ISG20L2: variants seen among roughly 807,000 people sequenced by gnomAD.
The protein encoded by ISG20L2 is interferon stimulated exonuclease gene 20 like 2.
ISG20L2 carries 14 observed loss-of-function variants against 27.8 expected under a neutral mutation model. The ratio of observed to expected loss-of-function variants is 0.50; its 90% confidence interval spans 0.33 to 0.79. The LOEUF is 0.79. Among genes scored for constraint, ISG20L2 ranks in the 30% least tolerant of loss-of-function variants. The pLI is 0.02. For synonymous variants in ISG20L2, 157 were observed against 165.7 expected, an observed-to-expected ratio of 0.95 and a Z score of 0.40; for missense variants, 393 against 435.1, an observed-to-expected ratio of 0.90 and a Z score of 0.86.
In ISG20L2 at chr1:156,724,145, T is replaced by A. The variant is rs1648652013; in HGVS notation, c.948+3A>T. The stretch of plus-strand genomic sequence containing the variant: ...GGGGGCGGGGGATGTGGGGAGATGC[T>A]ACCTGGATATCCCGGTTTAGCAGCT... On this transcript the variant is annotated splice_donor_region_variant and intron_variant, in intron 3 of 3. Coordinates refer to ENST00000368219, the MANE Select transcript of ISG20L2 (RefSeq NM_001370150.2). 1 of 1,612,754 alleles carries A rather than the reference T, an allele frequency of 6.2e-7. No homozygotes were observed. Among genetic ancestry groups the A allele is most frequent in the Admixed American group, 1.7e-5 (1 of 59,962 alleles).
chr1:156,725,228 G>C (rs1335004595), intron 2 of ISG20L2: 1 of 152,166 alleles, frequency 6.6e-6, no homozygotes, highest in African/African-American at 2.4e-5. Context: ...GGGATTACAG[G>C]TGTGAGCCAC....
rs751804199 is a variant in ISG20L2 at position 156,727,578 on chromosome 1, G to A, written c.75C>T (p.His25=). 3 of 1,614,156 alleles carry A rather than the reference G, an allele frequency of 1.9e-6. No homozygotes were observed. The highest frequency in any genetic ancestry group is 2.5e-6 in the Non-Finnish European group (3 of 1,180,012). Residue 25 remains histidine (H), a synonymous_variant, in exon 2 of 4, where the codon CAC becomes CAT. Coordinates refer to ENST00000368219, the MANE Select transcript of ISG20L2 (RefSeq NM_001370150.2). ...GCCTCCGCTTCTTGACAAAATTTCG[G>A]TGCTTGGCATTTCCTTCTAATGCCT... is the stretch of plus-strand genomic sequence containing the variant. ...PKKALEGNAK[H]RNFVKKRRLL...
intron 2 of ISG20L2, chr1:156,725,025 C>T (rs1648690533): frequency 6.6e-6 from 1 of 151,790 alleles, no homozygotes; most frequent in African/African-American, 2.4e-5. Context: ...GATCTTGGCT[C>T]ACTACAACCT....
At chr1:156,724,020 G>T in intron 3 of ISG20L2, 128 bp downstream of exon 3, 4 of 1,130,076 alleles carry the variant, frequency 3.5e-6, no homozygotes, top group Middle Eastern at 2.1e-4. Flanking sequence ...TGTACAGATG[G>T]AGCTCTTCCC....
In ISG20L2 at chr1:156,725,761, A is replaced by G. The variant is rs1203390861; in HGVS notation, c.747+1145T>C. On this transcript the variant is annotated intron_variant, in intron 2 of 3. Coordinates refer to ENST00000368219, the MANE Select transcript of ISG20L2 (RefSeq NM_001370150.2). ...AGATTTGCTGTCTCAGACCCGTCCC[A>G]TCTTCTGCCTCTCCTATGCCTTTGC... is the stretch of plus-strand genomic sequence containing the variant. 1.7e-5 allele frequency: 10 copies of G among 601,120 alleles called. No homozygotes were observed. In the African/African-American group the frequency reaches 2.0e-4, roughly 12 times the overall value. The allele number at this position is 601,120 out of a possible 1,614,324, so 37.2% of individuals were successfully genotyped here. A position where few individuals can be genotyped will look rare whatever the true frequency, so the allele number is the denominator to read the frequency against.
At position 156,723,018 on chromosome 1, in the gene ISG20L2, A is replaced by G. The variant is rs1311579435; in HGVS notation, c.*331T>C. ...GTGATAAGGCAGTTTGGGAAACTAC[A>G]TTTCCCAGTATGCCCTGCCCCTTGA... On this transcript the variant is annotated 3_prime_UTR_variant, in exon 4 of 4. Coordinates refer to ENST00000368219, the MANE Select transcript of ISG20L2 (RefSeq NM_001370150.2). 4.0e-6 allele frequency: 1 copy of G among 251,150 alleles called. No homozygotes were observed. The highest frequency in any genetic ancestry group is 7.8e-6 in the Non-Finnish European group (1 of 128,876). The allele number at this position is 251,150 out of a possible 1,614,324, so 15.6% of individuals were successfully genotyped here. A position where few individuals can be genotyped will look rare whatever the true frequency, so the allele number is the denominator to read the frequency against.
chr1:156,726,358 C>A (rs1421333580), intron 2 of ISG20L2: 21 of 985,310 alleles, frequency 2.1e-5, no homozygotes, highest in Non-Finnish European at 2.3e-5. Flanking sequence ...CTAGTTTCAT[C>A]ACTTGCTGTT....
chr1:156,726,397 A>G lies in ISG20L2; in HGVS notation c.747+509T>C, dbSNP rs1005197198. The G allele has an allele frequency of 5.1e-6, 5 of 985,256 alleles. No individual in the cohort carries two copies. The African/African-American group carries it at 7.0e-5, about 14-fold the overall frequency. 61.0% of individuals were successfully genotyped at this position (985,256 alleles called of 1,614,324 possible). On this transcript the variant is annotated intron_variant, in intron 2 of 3. Transcript: ENST00000368219. Reference sequence around the variant, plus strand: ...TTTCTATGCAGATTCCCAGTTCCCCAGACCCAATTTAGAACCTAAAATAGT... The same window carrying G: ...TTTCTATGCAGATTCCCAGTTCCCCGGACCCAATTTAGAACCTAAAATAGT...
intron 2 of ISG20L2, 60 bp downstream of exon 2, chr1:156,726,846 A>C: frequency 6.4e-7 from 1 of 1,553,196 alleles, no homozygotes; most frequent in Non-Finnish European, 8.7e-7. Context: ...CTTTGCTGAA[A>C]AATGATTTAG....
chr1:156,727,750 G>A lies in ISG20L2; in HGVS notation c.-98C>T, dbSNP rs763697300. 1.6e-4 allele frequency: 248 copies of A among 1,519,754 alleles called. No individual in the cohort carries two copies. Among genetic ancestry groups the A allele is most frequent in the Non-Finnish European group, 2.1e-4 (235 of 1,144,440 alleles). 94.1% of individuals were successfully genotyped at this position (1,519,754 alleles called of 1,614,324 possible). Reference sequence around the variant, plus strand: ...TCTGCTGAATCCTACTGTCCAACATGTGGAGGTCTGTAGTACACCCTGGGG... The same window carrying A: ...TCTGCTGAATCCTACTGTCCAACATATGGAGGTCTGTAGTACACCCTGGGG... On this transcript the variant is annotated 5_prime_UTR_variant, in exon 2 of 4. Transcript: ENST00000368219.
chr1:156,723,388 C>G lies in ISG20L2; in HGVS notation c.1023G>C (p.Glu341Asp). 1.9e-6 allele frequency: 3 copies of G among 1,614,190 alleles called. No individual in the cohort carries two copies. Among genetic ancestry groups the G allele is most frequent in the African/African-American group, 1.3e-5 (1 of 75,044 alleles). Reference sequence around the variant, plus strand: ...GATTCCGGGCTAGGTGCTCTTCCCACTCGACTTCAACCAACTTATATAGCT... The same window carrying G: ...GATTCCGGGCTAGGTGCTCTTCCCAGTCGACTTCAACCAACTTATATAGCT... ...TMELYKLVEVEWEEHLARNPP... is the reference protein window; with the variant it reads ...TMELYKLVEVDWEEHLARNPP... Residue 341 changes from glutamate (E) to aspartate (D), a missense_variant, in exon 4 of 4, where the codon GAG (glutamate) becomes GAC (aspartate). Physicochemically the swap from Glu to Asp is conservative, Grantham distance 45. Transcript: ENST00000368219.
chr1:156,725,223 T>TA (rs1214070559), intron 2 of ISG20L2: 1 of 152,188 alleles, frequency 6.6e-6, no homozygotes, highest in Non-Finnish European at 1.5e-5. Context: ...GTGCTGGGAT[T>TA]ACAGGTGTGA....
At chr1:156,723,811 T>C in intron 3 of ISG20L2, 1 of 1,242,590 alleles carries the variant, frequency 8.0e-7, no homozygotes, top group Non-Finnish European at 1.0e-6. Context: ...CCCATCTTCC[T>C]GCCAGATGGG....
chr1:156,726,238 T>C (rs1384959986), intron 2 of ISG20L2: 2 of 985,360 alleles, frequency 2.0e-6, no homozygotes, highest in African/African-American at 3.5e-5. Context: ...CCCAGGCTAC[T>C]TTTTGCTTGG....
At chr1:156,725,576 C>T (rs1648717053) in intron 2 of ISG20L2, 1 of 152,342 alleles carries the variant, frequency 6.6e-6, no homozygotes, top group Admixed American at 6.5e-5. Context: ...ATACCTTAGT[C>T]TCATAACCCC....
At position 156,724,298 on chromosome 1, in the gene ISG20L2, G is replaced by A. The variant is rs140606389; in HGVS notation, c.798C>T (p.Asn266=). The A allele has an allele frequency of 1.2e-5, 19 of 1,613,872 alleles. No individual in the cohort carries two copies. In the African/African-American group the frequency reaches 1.3e-4, roughly 11 times the overall value. The change falls in exon 3 of 4, where the codon AAC becomes AAT. Residue 266 remains asparagine (N), a synonymous_variant. Coordinates refer to ENST00000368219, the MANE Select transcript of ISG20L2 (RefSeq NM_001370150.2). ...GAAAGTACTGAAGGGCTTTGAAGTC[G>A]TTGTGGATGGCATGCCCCACCACTA... The part of the protein sequence containing the change: ...GKIVVGHAIH[N]DFKALQYFHP...
In ISG20L2 at chr1:156,728,508, T is replaced by C. The variant is rs896029363; in HGVS notation, c.-211A>G. The C allele has an allele frequency of 1.3e-5, 13 of 985,176 alleles. No homozygotes were observed. Among genetic ancestry groups the C allele is most frequent in the Non-Finnish European group, 1.6e-5 (13 of 829,828 alleles). The allele number at this position is 985,176 out of a possible 1,614,324, so 61.0% of individuals were successfully genotyped here. On this transcript the variant is annotated 5_prime_UTR_variant, in exon 1 of 4. Coordinates refer to ENST00000368219, the MANE Select transcript of ISG20L2 (RefSeq NM_001370150.2). Reference sequence around the variant, plus strand: ...AAGCCCGGGAAGGCAGGCGCGCGGGTTAGAACGCGCCAGAGGTCGGCGCGC... The same window carrying C: ...AAGCCCGGGAAGGCAGGCGCGCGGGCTAGAACGCGCCAGAGGTCGGCGCGC...
At chr1:156,723,843 C>T (rs1211401372) in intron 3 of ISG20L2, 76 of 1,252,468 alleles carry the variant, frequency 6.1e-5, no homozygotes, top group Middle Eastern at 3.2e-4. Context: ...TGAAATATAG[C>T]GTGTAAAATA....
intron 2 of ISG20L2, chr1:156,726,030 T>A (rs1436077841): frequency 1.0e-6 from 1 of 985,206 alleles, no homozygotes; most frequent in Admixed American, 6.2e-5. Flanking sequence ...CTTTCACCCC[T>A]CCCAGCTCAC....
Sources: gnomAD v4.1 joint callset for allele counts on GRCh38, gnomAD v4.1.1 for gene constraint, MANE v1.5 for transcripts, NCBI Gene and HGNC (gene_info 2026-07-23, HGNC 2026-07-21) for gene names.